The following SGCD variants were observed in gnomAD, a reference collection of about 807,000 sequenced individuals.
The protein encoded by SGCD is sarcoglycan delta, also known as delta-sarcoglycan.
SGCD carries 18 observed loss-of-function variants against 36.6 expected under a neutral mutation model. The ratio of observed to expected loss-of-function variants is 0.49; its 90% CI spans 0.34 to 0.73. The LOEUF (loss-of-function observed/expected upper bound fraction) is 0.73, where lower values mean the gene tolerates loss of function less well. SGCD is among the 30% of genes least tolerant of loss of function. SGCD has a pLI of 0.01. For synonymous variants in SGCD, 133 were observed against 130.6 expected, an observed-to-expected ratio of 1.02 and a Z score of -0.12; for missense variants, 387 against 346.7, an observed-to-expected ratio of 1.12 and a Z score of -0.92.
chr5:156,528,285 A>G (rs193109691), intron 4 of SGCD, among the ~76,000 whole-genome samples: 2 of 152,326 alleles, frequency 1.3e-5, no homozygotes, highest in East Asian at 3.9e-4. Context: ...TAAGATTATT[A>G]TGGGATTATA....
chr5:156,135,499 A>T (rs1339685268), intron 3 of SGCD, among the ~76,000 whole-genome samples: 1 of 152,122 alleles, frequency 6.6e-6, no homozygotes, highest in African/African-American at 2.4e-5. Flanking sequence ...CTTCCAACAC[A>T]TCACTCCAGA....
intron 1 of SGCD, among the ~76,000 whole-genome samples, chr5:155,898,209 T>C (rs2113332141): frequency 6.6e-6 from 1 of 152,322 alleles, no homozygotes. Context: ...CCCAGGAGAA[T>C]ATCAGATGAC....
At chr5:155,862,652 C>A in the SGCD span, among the ~76,000 whole-genome samples, 7 of 152,186 alleles carry the variant, frequency 4.6e-5, no homozygotes, top group Non-Finnish European at 7.3e-5. Context: ...TATTAACTAA[C>A]TTTTGAATGC....
intron 3 of SGCD, among the ~76,000 whole-genome samples, chr5:156,347,063 CTGGGA>C (rs1561635718): frequency 6.6e-6 from 1 of 152,138 alleles, no homozygotes; most frequent in Non-Finnish European, 1.5e-5. Context: ...TCCCAAAGTG[CTGGGA>C]TTACAGGCGT....
chr5:156,077,161 C>A (rs1760807804), intron 1 of SGCD, among the ~76,000 whole-genome samples: 1 of 152,064 alleles, frequency 6.6e-6, no homozygotes, highest in African/African-American at 2.4e-5. Flanking sequence ...TTAATGTGAC[C>A]TCTTTTTGAT....
At chr5:156,697,295 T>G (rs557241308) in intron 7 of SGCD, among the ~76,000 whole-genome samples, 1 of 152,284 alleles carries the variant, frequency 6.6e-6, no homozygotes, top group South Asian at 2.1e-4. Flanking sequence ...AGCATTTGGT[T>G]GTTGTTGCTT....
At chr5:155,965,777 GA>G (rs1203108007) in intron 1 of SGCD, among the ~76,000 whole-genome samples, 4 of 151,946 alleles carry the variant, frequency 2.6e-5, no homozygotes, top group Non-Finnish European at 5.9e-5. Context: ...CAATAAATAC[GA>G]AGGGCTCTAA....
At chr5:155,967,771 C>T (rs1040279714) in intron 1 of SGCD, among the ~76,000 whole-genome samples, 4 of 152,058 alleles carry the variant, frequency 2.6e-5, no homozygotes, top group Non-Finnish European at 4.4e-5. Context: ...TTCACTGCCT[C>T]GATCTCCTCA....
intron 3 of SGCD, among the ~76,000 whole-genome samples, chr5:156,383,983 T>C (rs193234549): frequency 6.6e-6 from 1 of 152,348 alleles, no homozygotes; most frequent in East Asian, 1.9e-4. Context: ...TCTTCTCTCA[T>C]GCTCATCCTA....
chr5:156,654,102 G>T (rs1476620951), intron 7 of SGCD, among the ~76,000 whole-genome samples: 1 of 152,050 alleles, frequency 6.6e-6, no homozygotes, highest in South Asian at 2.1e-4. Flanking sequence ...TGGCAGAAAA[G>T]GCATAATAAA....
chr5:155,825,817 C>T, the SGCD span, among the ~76,000 whole-genome samples: 7 of 151,780 alleles, frequency 4.6e-5, no homozygotes, highest in East Asian at 3.9e-4. Context: ...GGCACAATCT[C>T]GGCTCACTGC....
intron 1 of SGCD, among the ~76,000 whole-genome samples, chr5:155,922,799 G>A (rs898865007): frequency 5.3e-5 from 8 of 152,248 alleles, no homozygotes; most frequent in Admixed American, 1.3e-4. Context: ...AGCCCCCAAA[G>A]AAAAGTTGTA....
chr5:155,853,492 T>C, the SGCD span, among the ~76,000 whole-genome samples: 1 of 152,190 alleles, frequency 6.6e-6, no homozygotes, highest in Admixed American at 6.6e-5. Flanking sequence ...CATGCCTCTT[T>C]ACCTTTCAAT....
intron 4 of SGCD, among the ~76,000 whole-genome samples, chr5:156,537,416 A>G (rs1365607447): frequency 6.8e-6 from 1 of 146,724 alleles, no homozygotes; most frequent in Non-Finnish European, 1.5e-5. Context: ...GATTGGATTC[A>G]CTGAAGCCTG....
chr5:156,002,146 AG>A (rs1218461856), intron 1 of SGCD, among the ~76,000 whole-genome samples: 7 of 152,154 alleles, frequency 4.6e-5, no homozygotes, highest in African/African-American at 1.7e-4. Context: ...GTCTTTAAAG[AG>A]GTAATTTAGT....
chr5:156,657,220 T>A (rs563223336), intron 7 of SGCD, among the ~76,000 whole-genome samples: 2 of 147,204 alleles, frequency 1.4e-5, no homozygotes, highest in African/African-American at 2.5e-5. Context: ...ATAGTCTGAC[T>A]TTTTTTTTTT....
intron 3 of SGCD, among the ~76,000 whole-genome samples, chr5:156,376,018 A>G (rs936103999): frequency 1.3e-5 from 2 of 152,226 alleles, no homozygotes; most frequent in Non-Finnish European, 2.9e-5. Flanking sequence ...AGTTATAGAT[A>G]GAAGATCAGT....
chr5:156,586,031 TA>T (rs1760478130), intron 4 of SGCD, among the ~76,000 whole-genome samples: 3 of 151,444 alleles, frequency 2.0e-5, no homozygotes, highest in Admixed American at 2.0e-4. Flanking sequence ...TATTATTAAC[TA>T]AAGTCCACCC....
intron 3 of SGCD, among the ~76,000 whole-genome samples, chr5:156,214,895 T>C (rs1764535267): frequency 6.6e-6 from 1 of 152,092 alleles, no homozygotes; most frequent in Non-Finnish European, 1.5e-5. Flanking sequence ...GATATCCACA[T>C]GTAGAAGAAT....
Sources: allele counts gnomAD v4.1 joint callset (sites outside exome capture counted in the v4.1 genomes callset), GRCh38; gene constraint gnomAD v4.1.1; transcripts MANE v1.5; gene names NCBI Gene and HGNC (gene_info 2026-07-23, HGNC 2026-07-21).